The following BRINP1 variants were observed in gnomAD, a reference collection of about 807,000 sequenced individuals.
The protein encoded by BRINP1 is BMP/retinoic acid inducible neural specific 1.
BRINP1 carries 17 observed loss-of-function variants against 72.9 expected under a neutral mutation model. That is an observed-to-expected ratio of 0.23 (90% CI 0.16 to 0.35). BRINP1 has a LOEUF of 0.35. Ranked by LOEUF, BRINP1 falls within the 10% of genes least tolerant of loss-of-function variation. The pLI, the probability that BRINP1 is intolerant of heterozygous loss-of-function variation, is 1.00. For missense variants in BRINP1, 850 were observed against 1,001.6 expected, an observed-to-expected ratio of 0.85 and a Z score of 2.04; for synonymous variants, 418 against 378.5, an observed-to-expected ratio of 1.10 and a Z score of -1.21.
At chr9:119,307,333 ACT>A (rs1483209866) in intron 2 of BRINP1, among the ~76,000 whole-genome samples, 34 of 152,264 alleles carry the variant, frequency 2.2e-4, no homozygotes, top group African/African-American at 7.9e-4. Context: ...AGTATTTTTA[ACT>A]CTGCAGGTAA....
chr9:119,363,696 G>A (rs922887969), intron 1 of BRINP1, among the ~76,000 whole-genome samples: 1 of 152,198 alleles, frequency 6.6e-6, no homozygotes, highest in African/African-American at 2.4e-5. Context: ...CCATGGCCAT[G>A]TACATGCTAC....
At chr9:119,322,104 A>G (rs149729032) in intron 1 of BRINP1, among the ~76,000 whole-genome samples, 57 of 152,346 alleles carry the variant, frequency 3.7e-4, no homozygotes, top group African/African-American at 1.4e-3. Context: ...TTCAAGGGCC[A>G]CATCTCCCAA....
At chr9:119,239,926 G>C (rs1278048109) in intron 4 of BRINP1, among the ~76,000 whole-genome samples, 1 of 151,908 alleles carries the variant, frequency 6.6e-6, no homozygotes, top group African/African-American at 2.4e-5. Context: ...ACCTCTGCTG[G>C]GGAGAATGGT....
rs535738112 is a variant in BRINP1 at position 119,299,069 on chromosome 9, G to A, written c.218+14069C>T. Among the ~76,000 whole-genome samples the A allele has an allele frequency of 1.6e-4, 24 of 152,122 alleles. No homozygotes were observed. In the South Asian group the frequency reaches 4.4e-3, roughly 28 times the overall value. On this transcript the variant is annotated intron_variant, in intron 2 of 7. Transcript: ENST00000265922. The stretch of plus-strand genomic sequence containing the variant: ...TTACCTCACATACTTATTTTTGGTG[G>A]TAAGAAAGCTTAAAATCTACTATCA...
intron 2 of BRINP1, among the ~76,000 whole-genome samples, chr9:119,300,402 G>C (rs1007903789): frequency 3.0e-4 from 46 of 152,262 alleles, no homozygotes; most frequent in African/African-American, 1.1e-3. Flanking sequence ...AACGATAAAT[G>C]CTGGAGGTGA....
At chr9:119,307,604 C>T (rs575190466) in intron 2 of BRINP1, among the ~76,000 whole-genome samples, 23 of 152,320 alleles carry the variant, frequency 1.5e-4, no homozygotes, top group Non-Finnish European at 2.9e-4. Flanking sequence ...TTGCCTTCCT[C>T]AGCCAGTTAA....
intron 1 of BRINP1, among the ~76,000 whole-genome samples, chr9:119,323,235 A>G (rs1044683962): frequency 6.6e-6 from 1 of 152,216 alleles, no homozygotes; most frequent in African/African-American, 2.4e-5. Flanking sequence ...TTGGGAGAAC[A>G]TGGAGGATTG....
intron 2 of BRINP1, among the ~76,000 whole-genome samples, chr9:119,267,095 T>C (rs192668080): frequency 9.8e-5 from 15 of 152,350 alleles, no homozygotes; most frequent in Admixed American, 6.5e-4. Context: ...ATGCATTTTC[T>C]TTTCTTTTAA....
intron 2 of BRINP1, among the ~76,000 whole-genome samples, chr9:119,258,565 T>A (rs907323460): frequency 5.3e-5 from 8 of 152,156 alleles, no homozygotes; most frequent in African/African-American, 1.9e-4. Context: ...ATAGAGGGAC[T>A]TTAGGCACTC....
intron 1 of BRINP1, among the ~76,000 whole-genome samples, chr9:119,347,317 T>C (rs1831461644): frequency 6.6e-6 from 1 of 152,168 alleles, no homozygotes; most frequent in Non-Finnish European, 1.5e-5. Context: ...TGCCTTTGGC[T>C]CAAGCTATGG....
chr9:119,283,951 CCAG>C (rs1291962988), intron 2 of BRINP1, among the ~76,000 whole-genome samples: 1 of 152,228 alleles, frequency 6.6e-6, no homozygotes, highest in Admixed American at 6.5e-5. Context: ...TGGACCACCA[CCAG>C]CAGCATCTGG....
chr9:119,317,279 T>A (rs1831134737), intron 1 of BRINP1, among the ~76,000 whole-genome samples: 3 of 150,276 alleles, frequency 2.0e-5, no homozygotes, highest in Non-Finnish European at 3.0e-5. Context: ...GTAACAGGAG[T>A]TTGGAAGAAG....
intron 2 of BRINP1, among the ~76,000 whole-genome samples, chr9:119,285,630 T>A (rs941696182): frequency 6.6e-6 from 1 of 152,194 alleles, no homozygotes. Flanking sequence ...TAGGGATTAA[T>A]AGCATAGAGG....
chr9:119,260,063 G>A (rs930827546), intron 2 of BRINP1, among the ~76,000 whole-genome samples: 1 of 152,122 alleles, frequency 6.6e-6, no homozygotes, highest in Non-Finnish European at 1.5e-5. Flanking sequence ...GTCCCTGTTT[G>A]AAACTAGTTA....
intron 1 of BRINP1, 26 bp from the exon 2 acceptor site, chr9:119,313,431 A>C: frequency 6.7e-7 from 1 of 1,497,082 alleles, no homozygotes; most frequent in Non-Finnish European, 8.9e-7. Context: ...TAAAAAAGAG[A>C]GAGAAAAAAA....
intron 1 of BRINP1, among the ~76,000 whole-genome samples, chr9:119,360,619 C>G (rs1372623291): frequency 6.6e-6 from 1 of 152,056 alleles, no homozygotes; most frequent in Non-Finnish European, 1.5e-5. Flanking sequence ...CCACTTTTTC[C>G]CCAAAAAGCA....
intron 2 of BRINP1, among the ~76,000 whole-genome samples, chr9:119,251,963 G>A (rs1327173906): frequency 1.3e-5 from 2 of 152,008 alleles, no homozygotes; most frequent in African/African-American, 4.8e-5. Context: ...TGTGTCTCTG[G>A]TTCTCTAAGT....
At chr9:119,202,413 A>G (rs73530260) in intron 7 of BRINP1, among the ~76,000 whole-genome samples, 317 of 152,200 alleles carry the variant, frequency 2.1e-3, no homozygotes, top group African/African-American at 7.0e-3. Flanking sequence ...GAGTTCACAA[A>G]TTTATACACT....
intron 7 of BRINP1, among the ~76,000 whole-genome samples, chr9:119,205,824 G>T (rs926525155): frequency 2.0e-5 from 3 of 151,830 alleles, no homozygotes; most frequent in African/African-American, 7.3e-5. Context: ...GTAACTGAAA[G>T]AGGTTATTTG....
Sources: allele counts gnomAD v4.1 joint callset (sites outside exome capture counted in the v4.1 genomes callset), GRCh38; gene constraint gnomAD v4.1.1; transcripts MANE v1.5; gene names NCBI Gene and HGNC (gene_info 2026-07-23, HGNC 2026-07-21).